PWWP2B: variants seen among roughly 807,000 people sequenced by gnomAD.
The protein encoded by PWWP2B is PWWP domain containing 2B.
Under a neutral mutation model 15.5 loss-of-function variants are expected in PWWP2B, and 9 were observed. The ratio of observed to expected loss-of-function variants is 0.58; its 90% confidence interval spans 0.35 to 1.02. PWWP2B has a LOEUF of 1.02. Ranked by LOEUF, PWWP2B falls within the 50% of genes least tolerant of loss-of-function variation. The pLI, the probability that PWWP2B is intolerant of heterozygous loss-of-function variation, is 0.02. For synonymous variants in PWWP2B, 474 were observed against 403.6 expected (o/e 1.17, Z -2.09); for missense variants, 864 against 865.3 (o/e 1.00, Z 0.02).
chr10:132,409,875 G>T (rs988499921), intron 2 of PWWP2B, among the ~76,000 whole-genome samples: 8 of 152,248 alleles, frequency 5.3e-5, no homozygotes, highest in African/African-American at 1.9e-4. Flanking sequence ...GCCAGGATCT[G>T]AATGGTGAGC....
intron 1 of PWWP2B, among the ~76,000 whole-genome samples, chr10:132,402,334 G>A (rs907586039): frequency 2.0e-5 from 3 of 152,252 alleles, no homozygotes; most frequent in South Asian, 2.1e-4. Context: ...CGTAGCCACC[G>A]TCCTCTGGCA....
In PWWP2B at chr10:132,417,296, G is replaced by A; in HGVS notation, c.*252G>A. The A allele has an allele frequency of 1.7e-6, 1 of 572,406 alleles. No homozygotes were observed. The highest frequency in any genetic ancestry group is 3.1e-6 in the Non-Finnish European group (1 of 322,438). 35.5% of individuals were successfully genotyped at this position (572,406 alleles called of 1,614,324 possible). On this transcript the variant is annotated 3_prime_UTR_variant, in exon 3 of 3. Transcript: ENST00000305233. ...AGCGCATGGCTGCCCTGGCTCACGA[G>A]GCAGTCGGGACTCGTGACTTGCTGG...
At chr10:132,400,973 C>T (rs139101193) in intron 1 of PWWP2B, among the ~76,000 whole-genome samples, 331 of 152,346 alleles carry the variant, frequency 2.2e-3, no homozygotes, top group African/African-American at 7.2e-3. Flanking sequence ...GCGCTGCCAG[C>T]GAGTGCAGGG....
chr10:132,410,739 C>G (rs1005973962), intron 2 of PWWP2B, among the ~76,000 whole-genome samples: 33 of 152,318 alleles, frequency 2.2e-4, no homozygotes, highest in African/African-American at 7.5e-4. Flanking sequence ...GCTTCCCTGT[C>G]GTGGCCAGGG....
intron 1 of PWWP2B, among the ~76,000 whole-genome samples, chr10:132,402,628 G>A (rs536111043): frequency 6.6e-6 from 1 of 152,372 alleles, no homozygotes; most frequent in Non-Finnish European, 1.5e-5. Context: ...GCTCATGGAA[G>A]ATGATGAACT....
At chr10:132,407,378 A>C (rs1026384333) in intron 2 of PWWP2B, among the ~76,000 whole-genome samples, 6 of 152,186 alleles carry the variant, frequency 3.9e-5, no homozygotes, top group Non-Finnish European at 7.4e-5. Flanking sequence ...GGGCAGGGGC[A>C]GGGCTCCGCC....
chr10:132,416,939 G>A lies in PWWP2B; in HGVS notation c.*17-122G>A. The A allele has an allele frequency of 1.4e-5, 14 of 993,274 alleles. No individual in the cohort carries two copies. In the South Asian group the frequency reaches 1.8e-4, roughly 13 times the overall value. The allele number at this position is 993,274 out of a possible 1,614,324, so 61.5% of individuals were successfully genotyped here. ...GGGCCGGCAGGAGCTGGGGGGCGGTGGAGGTCCCGGGTGAGCCTCAGGCCC... is the reference window on the plus strand; with the variant it reads ...GGGCCGGCAGGAGCTGGGGGGCGGTAGAGGTCCCGGGTGAGCCTCAGGCCC... On this transcript the variant is annotated intron_variant, in intron 2 of 2. Coordinates refer to ENST00000305233, the MANE Select transcript of PWWP2B (RefSeq NM_138499.4).
Position 132,405,163 on chromosome 10 carries a change from C to A in PWWP2B, c.663C>A (p.Gly221=). The part of the protein sequence containing the change: ...ELRKPEEPEN[G]EPTAAATARR... ...GCAAGCCGGAGGAGCCGGAGAACGG[C>A]GAGCCCACGGCTGCGGCCACCGCCA... Residue 221 remains glycine, a synonymous_variant, in exon 2 of 3, where the codon GGC becomes GGA. Transcript: ENST00000305233. 1 of 1,548,558 alleles carries A rather than the reference C, an allele frequency of 6.5e-7. No individual in the cohort carries two copies. Among genetic ancestry groups the A allele is most frequent in the Non-Finnish European group, 8.7e-7 (1 of 1,146,402 alleles).
intron 2 of PWWP2B, 149 bp from the exon 3 acceptor site, chr10:132,416,912 G>T: frequency 1.3e-6 from 1 of 783,838 alleles, no homozygotes; most frequent in South Asian, 1.5e-5. Context: ...CTGAGGGAAG[G>T]AGGGCCGGCA....
At chr10:132,400,765 G>A (rs953384789) in intron 1 of PWWP2B, among the ~76,000 whole-genome samples, 5 of 152,242 alleles carry the variant, frequency 3.3e-5, no homozygotes, top group African/African-American at 9.6e-5. Flanking sequence ...CCTGCGCTGC[G>A]CTGAGGCTGC....
intron 2 of PWWP2B, among the ~76,000 whole-genome samples, chr10:132,408,862 C>T (rs1312050259): frequency 6.6e-6 from 1 of 152,264 alleles, no homozygotes; most frequent in African/African-American, 2.4e-5. Flanking sequence ...GGTGCCAGGG[C>T]ATTGGGCCTG....
Position 132,405,079 on chromosome 10 carries a change from ACCCCCAGCCGCGCCCAGGG to A in PWWP2B, c.583_601del (p.Pro195AlafsTer116). The A allele has an allele frequency of 2.6e-6, 4 of 1,527,328 alleles. No individual in the cohort carries two copies. Among genetic ancestry groups the A allele is most frequent in the Non-Finnish European group, 3.5e-6 (4 of 1,139,030 alleles). 94.6% of individuals were successfully genotyped at this position (1,527,328 alleles called of 1,614,324 possible). On this transcript the variant is annotated frameshift_variant, in exon 2 of 3. Transcript: ENST00000305233. LOFTEE classifies it high-confidence loss of function. ...TGAGCCCCCCGGAGGCCAGCCCCGG[ACCCCCAGCCGCGCCCAGGG>A]CCCGCAGGAGGCTGGGCAGCGGCCC...
chr10:132,398,116 C>T lies in PWWP2B; in HGVS notation c.125+765C>T, dbSNP rs1238991073. On this transcript the variant is annotated intron_variant, in intron 1 of 2. Coordinates refer to ENST00000305233, the MANE Select transcript of PWWP2B (RefSeq NM_138499.4). ...TTAGGCATGAATCAGGCTGTGGCCT[C>T]GCTGCGCTCCTGCAGGGCTTTCTTT... is the stretch of plus-strand genomic sequence containing the variant. Among the ~76,000 whole-genome samples the T allele has an allele frequency of 5.3e-5, 8 of 152,340 alleles. No individual in the cohort carries two copies. In the South Asian group the frequency reaches 1.2e-3, roughly 24 times the overall value.
intron 1 of PWWP2B, among the ~76,000 whole-genome samples, chr10:132,402,946 C>T (rs893974574): frequency 8.5e-5 from 13 of 152,246 alleles, no homozygotes; most frequent in African/African-American, 7.2e-5. Context: ...GTCTGTGCTC[C>T]TCGGTCCTGG....
At chr10:132,399,142 G>A (rs1481369477) in intron 1 of PWWP2B, among the ~76,000 whole-genome samples, 1 of 151,614 alleles carries the variant, frequency 6.6e-6, no homozygotes, top group Non-Finnish European at 1.5e-5. Flanking sequence ...GCCCTGCCTC[G>A]GACCGCAGGG....
chr10:132,406,957 G>A (rs1360681292), intron 2 of PWWP2B, among the ~76,000 whole-genome samples: 2 of 152,174 alleles, frequency 1.3e-5, no homozygotes, highest in African/African-American at 2.4e-5. Flanking sequence ...GCCTGTTCCC[G>A]GGGACGGCGT....
At chr10:132,412,955 C>T (rs1212997729) in intron 2 of PWWP2B, among the ~76,000 whole-genome samples, 5 of 152,242 alleles carry the variant, frequency 3.3e-5, no homozygotes, top group East Asian at 1.9e-4. Context: ...GGTCAGCTGG[C>T]GGAGGCCAGC....
intron 2 of PWWP2B, 31 bp downstream of exon 2, chr10:132,406,320 C>A (rs778241534): frequency 1.9e-6 from 3 of 1,543,996 alleles, no homozygotes; most frequent in Non-Finnish European, 2.6e-6. Flanking sequence ...CTCCTTCCCC[C>A]CAGCGGCCCA....
At chr10:132,408,940 G>A (rs1590763084) in intron 2 of PWWP2B, among the ~76,000 whole-genome samples, 2 of 152,348 alleles carry the variant, frequency 1.3e-5, no homozygotes, top group East Asian at 1.9e-4. Context: ...AGCAGGGGCC[G>A]CGCCAGGACG....
Sources: allele counts gnomAD v4.1 joint callset (sites outside exome capture counted in the v4.1 genomes callset), GRCh38; gene constraint gnomAD v4.1.1; transcripts MANE v1.5; gene names NCBI Gene and HGNC (gene_info 2026-07-23, HGNC 2026-07-21).